ADCY5: variants seen among roughly 807,000 people sequenced by gnomAD.
The protein encoded by ADCY5 is adenylate cyclase type 5.
Under a neutral mutation model 119.7 loss-of-function variants are expected in ADCY5, and 30 were observed. The observed-to-expected ratio is 0.25, with a 90% CI of 0.19 to 0.34. ADCY5 has a LOEUF of 0.34. ADCY5 is among the 10% of genes least tolerant of loss of function. The pLI is 1.00. For synonymous variants in ADCY5, 753 were observed against 762.2 expected (o/e 0.99, Z 0.20); for missense variants, 1,324 against 1,775.2 (o/e 0.75, Z 4.57).
chr3:123,321,923 G>A (rs1004643431), intron 8 of ADCY5, among the ~76,000 whole-genome samples: 1 of 152,148 alleles, frequency 6.6e-6, no homozygotes, highest in Non-Finnish European at 1.5e-5. Flanking sequence ...GCTCCTCCCG[G>A]GCTGCCAGCA....
chr3:123,328,087 C>T (rs757573873), intron 6 of ADCY5, among the ~76,000 whole-genome samples: 21 of 152,204 alleles, frequency 1.4e-4, no homozygotes, highest in Non-Finnish European at 2.5e-4. Flanking sequence ...CTCCTGCACG[C>T]GACAGGACGG....
In ADCY5 at chr3:123,381,834, C is replaced by T. The variant is rs570070544; in HGVS notation, c.1135-29253G>A. Among the ~76,000 whole-genome samples the T allele has an allele frequency of 3.3e-5, 5 of 152,306 alleles. No individual in the cohort carries two copies. In the East Asian group the frequency reaches 9.7e-4, roughly 29 times the overall value. On this transcript the variant is annotated intron_variant, in intron 1 of 20. Coordinates refer to ENST00000462833, the MANE Select transcript of ADCY5 (RefSeq NM_183357.3). The stretch of plus-strand genomic sequence containing the variant: ...ACCTGACTGCTCTCTGGCTTCTACC[C>T]TTGGGCCTGTACTCTCTTTTCAACA...
In ADCY5 at chr3:123,351,261, T is replaced by C. The variant is rs75829483; in HGVS notation, c.1284+1171A>G. 5.9e-4 allele frequency among the ~76,000 whole-genome samples: 90 copies of C among 152,214 alleles called. 3 individuals are homozygous for C. In the East Asian group the frequency reaches 0.016, roughly 27 times the overall value. On this transcript the variant is annotated intron_variant, in intron 2 of 20. Coordinates refer to ENST00000462833, the MANE Select transcript of ADCY5 (RefSeq NM_183357.3). ...GTCTGGATGTCACCAGCCATATCAC[T>C]GTGACTCACTTAGGATGCAACCAGA... is the stretch of plus-strand genomic sequence containing the variant.
rs1286137967 is a variant in ADCY5, at chr3:123,347,820, C to T, written c.1368G>A (p.Met456Ile). The T allele has an allele frequency of 1.2e-6, 2 of 1,614,090 alleles. No individual in the cohort carries two copies. Among genetic ancestry groups the T allele is most frequent in the South Asian group, 1.1e-5 (1 of 91,078 alleles). The change falls in exon 3 of 21, where the codon ATG becomes ATA. Residue 456 changes from methionine (M) to isoleucine (I), a missense_variant. Transcript: ENST00000462833. Reference sequence around the variant, plus strand: ...GTTTCTGGATGTAAATCTTATGGAACATCATATCCTCCTGCTTGGCGTTGA... The same window carrying T: ...GTTTCTGGATGTAAATCTTATGGAATATCATATCCTCCTGCTTGGCGTTGA... The part of the protein sequence containing the change: ...ADINAKQEDM[M>I]FHKIYIQKHD...
At chr3:123,296,669 A>G (rs535020378) in intron 16 of ADCY5, among the ~76,000 whole-genome samples, 1 of 152,260 alleles carries the variant, frequency 6.6e-6, no homozygotes, top group Non-Finnish European at 1.5e-5. Flanking sequence ...TAGTTTGCTT[A>G]TCTGTACAAC....
intron 1 of ADCY5, among the ~76,000 whole-genome samples, chr3:123,422,028 TC>T (rs1249050992): frequency 1.2e-4 from 18 of 152,150 alleles, no homozygotes; most frequent in Admixed American, 3.9e-4. Context: ...CCGGTGTTTC[TC>T]CCCTGGCCAC....
At chr3:123,388,158 A>ATGGAAGGTGGCC in intron 1 of ADCY5, among the ~76,000 whole-genome samples, 1 of 152,304 alleles carries the variant, frequency 6.6e-6, no homozygotes, top group Non-Finnish European at 1.5e-5. Flanking sequence ...ATGTCGCATT[A>ATGGAAGGTGGCC]CAGCTGTATG....
intron 1 of ADCY5, among the ~76,000 whole-genome samples, chr3:123,446,814 G>T (rs979055353): frequency 6.6e-6 from 1 of 152,188 alleles, no homozygotes; most frequent in Non-Finnish European, 1.5e-5. Context: ...CTTTAGCGAA[G>T]GGCAGGTTTT....
At position 123,447,793 on chromosome 3, in the gene ADCY5, G is replaced by T. The variant is rs56194151; in HGVS notation, c.753C>A (p.Leu251=). 1 of 1,611,742 alleles carries T rather than the reference G, an allele frequency of 6.2e-7. No individual in the cohort carries two copies. The highest frequency in any genetic ancestry group is 1.7e-5 in the Admixed American group (1 of 59,962). ...GGAAGGCCAACATGACCAGGCACAC[G>T]AGCACCAGCACGGCCATGAGCATGG... The part of the protein sequence containing the change: ...SLTMLMAVLV[L]VCLVMLAFHA... Residue 251 remains leucine (L), a synonymous_variant, in exon 1 of 21, where the codon CTC becomes CTA. Transcript: ENST00000462833.
intron 1 of ADCY5, among the ~76,000 whole-genome samples, chr3:123,411,871 C>T (rs1196243740): frequency 1.3e-5 from 2 of 152,200 alleles, no homozygotes; most frequent in Admixed American, 1.3e-4. Flanking sequence ...GGTGGACTCA[C>T]TGTGGCCCTG....
At chr3:123,394,679 G>C (rs1343140339) in intron 1 of ADCY5, among the ~76,000 whole-genome samples, 2 of 152,226 alleles carry the variant, frequency 1.3e-5, no homozygotes, top group African/African-American at 2.4e-5. Context: ...TGAGGAACAA[G>C]ACAGAAAATG....
At chr3:123,311,473 C>T (rs1940575628) in intron 12 of ADCY5, among the ~76,000 whole-genome samples, 2 of 152,268 alleles carry the variant, frequency 1.3e-5, no homozygotes, top group South Asian at 4.1e-4. Context: ...CATGTCTTCA[C>T]GTGCAAGCTG....
At chr3:123,333,198 C>T (rs1194086264) in intron 3 of ADCY5, among the ~76,000 whole-genome samples, 1 of 152,200 alleles carries the variant, frequency 6.6e-6, no homozygotes, top group Non-Finnish European at 1.5e-5. Flanking sequence ...GCTTTCTGCT[C>T]ACCACTTCGT....
In ADCY5 at chr3:123,296,015, C is replaced by T. The variant is rs972981759; in HGVS notation, c.3063+69G>A. 1.8e-5 allele frequency: 29 copies of T among 1,584,152 alleles called. No homozygotes were observed. In the Admixed American group the frequency reaches 1.9e-4, roughly 10 times the overall value. ...GCCCGGCTTGGCCTGGCCCAGCAGA[C>T]GAGCCTGTTGTCTCCGCCACCTGCT... On this transcript the variant is annotated intron_variant, in intron 17 of 20. Coordinates refer to ENST00000462833, the MANE Select transcript of ADCY5 (RefSeq NM_183357.3).
At chr3:123,345,357 C>G (rs1450991103) in intron 3 of ADCY5, among the ~76,000 whole-genome samples, 2 of 152,268 alleles carry the variant, frequency 1.3e-5, no homozygotes, top group Non-Finnish European at 2.9e-5. Flanking sequence ...AGGTGCTAGA[C>G]TGCTTCTGAG....
At chr3:123,305,893 G>A (rs1348136794) in intron 12 of ADCY5, among the ~76,000 whole-genome samples, 2 of 152,228 alleles carry the variant, frequency 1.3e-5, no homozygotes, top group Non-Finnish European at 2.9e-5. Context: ...CCACGGCAGA[G>A]GCCTGGCAGT....
Position 123,396,817 on chromosome 3 carries a change from G to GAGAGAGAGA in ADCY5, c.1135-44237_1135-44236insTCTCTCTCT, listed in dbSNP as rs1317241830. On this transcript the variant is annotated intron_variant, in intron 1 of 20. Transcript: ENST00000462833. ...AGGCAGGCAGGCAGGCAGGCAGGCAGGCGAGAGAGAGAGAGAGAGAGAGAG... is the reference window on the plus strand; with the variant it reads ...AGGCAGGCAGGCAGGCAGGCAGGCAGAGAGAGAGAGCGAGAGAGAGAGAGAGAGAGAGAG... Among the ~76,000 whole-genome samples the GAGAGAGAGA allele has an allele frequency of 6.2e-4, 40 of 64,726 alleles. 1 individual carries two copies. Among genetic ancestry groups the GAGAGAGAGA allele is most frequent in the South Asian group, 6.2e-4 (1 of 1,618 alleles). 42.5% of individuals were successfully genotyped at this position (64,726 alleles called of 152,430 possible).
chr3:123,447,828 T>C lies in ADCY5; in HGVS notation c.718A>G (p.Ser240Gly). ...YQRYFFRLNQ[S>G]SLTMLMAVLV... ...ACGGCCATGAGCATGGTGAGGCTGC[T>C]CTGGTTCAGGCGGAAGAAGTAGCGC... Residue 240 changes from serine (S) to glycine (G), a missense_variant, in exon 1 of 21, where the codon AGC becomes GGC. By Grantham distance (56) the Ser-to-Gly change is moderately conservative. Coordinates refer to ENST00000462833, the MANE Select transcript of ADCY5 (RefSeq NM_183357.3). 3.1e-6 allele frequency: 5 copies of C among 1,612,816 alleles called. No individual in the cohort carries two copies. Among genetic ancestry groups the C allele is most frequent in the Admixed American group, 1.7e-5 (1 of 60,014 alleles).
At chr3:123,434,004 G>A (rs1945566051) in intron 1 of ADCY5, among the ~76,000 whole-genome samples, 2 of 152,276 alleles carry the variant, frequency 1.3e-5, no homozygotes, top group South Asian at 4.1e-4. Flanking sequence ...ATGCCCGTCT[G>A]AGCCAGACAC....
Sources: gnomAD v4.1 joint callset for allele counts (sites outside exome capture counted in the v4.1 genomes callset) on GRCh38, gnomAD v4.1.1 for gene constraint, MANE v1.5 for transcripts, NCBI Gene and HGNC (gene_info 2026-07-23, HGNC 2026-07-21) for gene names.